Variants in PCDH9 observed in about 807,000 individuals in gnomAD.
The protein encoded by PCDH9 is protocadherin 9.
A neutral mutation model predicts 70.6 loss-of-function variants in PCDH9; 24 were observed. That is an observed-to-expected ratio of 0.34 (90% CI 0.25 to 0.48). PCDH9 has a LOEUF of 0.48. PCDH9 is among the 20% of genes least tolerant of loss of function. The probability of loss-of-function intolerance (pLI) is 0.99; values close to 1 mark genes in which losing one functional copy is unlikely to be tolerated. For missense variants in PCDH9, 1,281 were observed against 1,503.6 expected (o/e 0.85, Z 2.45); for synonymous variants, 562 against 558.5 (o/e 1.01, Z -0.09).
intron 2 of PCDH9, among the ~76,000 whole-genome samples, chr13:66,963,382 C>T (rs1405648259): frequency 6.6e-6 from 1 of 152,148 alleles, no homozygotes; most frequent in Admixed American, 6.5e-5. Flanking sequence ...GCATAAATTC[C>T]CAAATTACAC....
chr13:66,591,808 G>T (rs116645951), intron 4 of PCDH9, among the ~76,000 whole-genome samples: 6 of 151,370 alleles, frequency 4.0e-5, no homozygotes, highest in Non-Finnish European at 7.4e-5. Context: ...AGGTTGGGAG[G>T]GGGGGCTCAT....
intron 2 of PCDH9, among the ~76,000 whole-genome samples, chr13:67,036,856 G>C (rs762025556): frequency 6.6e-6 from 1 of 152,134 alleles, no homozygotes; most frequent in African/African-American, 2.4e-5. Flanking sequence ...TTCTCTAAGC[G>C]GAAGCCTTCG....
At chr13:66,932,320 C>T (rs1297458600) in intron 2 of PCDH9, among the ~76,000 whole-genome samples, 1 of 152,118 alleles carries the variant, frequency 6.6e-6, no homozygotes, top group East Asian at 1.9e-4. Flanking sequence ...AGCATCCTTT[C>T]TGTTGTCTTT....
At chr13:67,185,312 C>G (rs193232232) in intron 2 of PCDH9, among the ~76,000 whole-genome samples, 1 of 152,112 alleles carries the variant, frequency 6.6e-6, no homozygotes, top group East Asian at 1.9e-4. Context: ...TCATCATCAA[C>G]TGTGTATGAG....
intron 4 of PCDH9, among the ~76,000 whole-genome samples, chr13:66,348,215 C>T (rs1368661591): frequency 6.6e-6 from 1 of 152,032 alleles, no homozygotes; most frequent in East Asian, 1.9e-4. Flanking sequence ...TCTAGGCTTA[C>T]CAGCTTACCT....
At chr13:66,549,529 ATT>A (rs1267704053) in intron 4 of PCDH9, among the ~76,000 whole-genome samples, 2 of 150,382 alleles carry the variant, frequency 1.3e-5, no homozygotes, top group African/African-American at 4.9e-5. Context: ...CTGTTCACTT[ATT>A]TTTTTTTAAA....
chr13:66,733,182 T>G (rs1357363372), intron 3 of PCDH9, among the ~76,000 whole-genome samples: 1 of 152,110 alleles, frequency 6.6e-6, no homozygotes, highest in Non-Finnish European at 1.5e-5. Flanking sequence ...TATAATTTTA[T>G]AAACTTAGTC....
At chr13:66,668,928 C>A (rs2078134089) in intron 3 of PCDH9, among the ~76,000 whole-genome samples, 1 of 152,042 alleles carries the variant, frequency 6.6e-6, no homozygotes, top group Non-Finnish European at 1.5e-5. Flanking sequence ...ATTTCTACTC[C>A]ACTGCTTTAG....
In PCDH9 at chr13:66,783,341, AAAGTGACTGG is replaced by A. The variant is rs58351436; in HGVS notation, c.3138+120153_3138+120162del. ...TCTTGTCCTACTCTGCCATAGCTCA[AAAGTGACTGG>A]CTAGGCTTTGTATGCTGGAGCCAAG... is the stretch of plus-strand genomic sequence containing the variant. On this transcript the variant is annotated intron_variant, in intron 3 of 4. Coordinates refer to ENST00000377865, the MANE Select transcript of PCDH9 (RefSeq NM_203487.3). 7.0e-3 allele frequency among the ~76,000 whole-genome samples: 1,063 copies of A among 152,250 alleles called. 14 individuals carry two copies. The highest frequency in any genetic ancestry group is 0.024 in the African/African-American group (999 of 41,556).
intron 4 of PCDH9, among the ~76,000 whole-genome samples, chr13:66,450,798 G>A (rs1219358320): frequency 3.9e-5 from 6 of 152,116 alleles, no homozygotes; most frequent in Non-Finnish European, 7.4e-5. Context: ...GGCAGATCAC[G>A]AGGTCAGGAG....
chr13:66,767,183 G>A (rs1184954779), intron 3 of PCDH9, among the ~76,000 whole-genome samples: 1 of 151,184 alleles, frequency 6.6e-6, no homozygotes, highest in Non-Finnish European at 1.5e-5. Flanking sequence ...AGAAGTTACT[G>A]AAACACACAA....
chr13:66,780,952 A>C (rs1036723280), intron 3 of PCDH9, among the ~76,000 whole-genome samples: 1 of 152,178 alleles, frequency 6.6e-6, no homozygotes, highest in Non-Finnish European at 1.5e-5. Context: ...ATGAAGCTGT[A>C]ATTGTGGAGT....
At chr13:66,767,923 C>T (rs1005195149) in intron 3 of PCDH9, among the ~76,000 whole-genome samples, 5 of 152,052 alleles carry the variant, frequency 3.3e-5, no homozygotes, top group African/African-American at 1.2e-4. Context: ...ATGTCTACTT[C>T]GTCTAGTACA....
chr13:66,658,179 T>G (rs1197934879), intron 3 of PCDH9, among the ~76,000 whole-genome samples: 1 of 152,132 alleles, frequency 6.6e-6, no homozygotes, highest in East Asian at 1.9e-4. Context: ...AAACCTTGCT[T>G]TTGTTAGATT....
intron 4 of PCDH9, among the ~76,000 whole-genome samples, chr13:66,498,114 C>T (rs1959146146): frequency 1.3e-5 from 2 of 151,728 alleles, no homozygotes; most frequent in Admixed American, 6.6e-5. Flanking sequence ...GCCACCACGC[C>T]CAGCCCAAAC....
chr13:66,700,925 T>TATATATATA (rs2078633270), intron 3 of PCDH9, among the ~76,000 whole-genome samples: 4 of 34,094 alleles, frequency 1.2e-4, no homozygotes, highest in African/African-American at 1.1e-3. Context: ...TACATATAAA[T>TATATATATA]ATATATATAT....
chr13:66,842,679 T>C (rs994951809), intron 3 of PCDH9, among the ~76,000 whole-genome samples: 1 of 152,234 alleles, frequency 6.6e-6, no homozygotes, highest in South Asian at 2.1e-4. Context: ...AGTGTTTTTG[T>C]AATGACATTA....
intron 4 of PCDH9, among the ~76,000 whole-genome samples, chr13:66,400,498 C>T (rs954982161): frequency 6.6e-6 from 1 of 152,086 alleles, no homozygotes; most frequent in African/African-American, 2.4e-5. Flanking sequence ...AGCTTTTCTG[C>T]AGAAATGAGT....
chr13:67,162,958 T>C (rs1239602866), intron 2 of PCDH9, among the ~76,000 whole-genome samples: 1 of 152,208 alleles, frequency 6.6e-6, no homozygotes, highest in Non-Finnish European at 1.5e-5. Flanking sequence ...TATGTACTTT[T>C]GCAGCTCTTT....
Sources: allele counts gnomAD v4.1 joint callset (sites outside exome capture counted in the v4.1 genomes callset), GRCh38; gene constraint gnomAD v4.1.1; transcripts MANE v1.5; gene names NCBI Gene and HGNC (gene_info 2026-07-23, HGNC 2026-07-21).